RNPS1: variants seen among roughly 807,000 people sequenced by gnomAD.
RNPS1 encodes RNA-binding protein with serine-rich domain 1.
For synonymous variants in RNPS1, 147 were observed against 150.0 expected (o/e 0.98, Z 0.15); for missense variants, 300 against 427.6 (o/e 0.70, Z 2.63).
chr16:2,266,415 T>TA (rs1446272000), intron 1 of RNPS1: 1 of 985,078 alleles, frequency 1.0e-6, no homozygotes, highest in African/African-American at 1.7e-5. Flanking sequence ...GAGTATAATT[T>TA]AGAGTCTGGA....
At chr16:2,254,335 G>C (rs949121089) in intron 7 of RNPS1, among the ~76,000 whole-genome samples, 1 of 150,936 alleles carries the variant, frequency 6.6e-6, no homozygotes, top group Admixed American at 6.6e-5. Context: ...TTTTGAGATG[G>C]GGTCTCACTC....
At position 2,264,346 on chromosome 16, in the gene RNPS1, A is replaced by G. The variant is rs772166989; in HGVS notation, c.72-15T>C. ...GTGAAGGAGCCCTGGATGGTGAGGA[A>G]GAGTGTGAGATTGCGTGCTCCTCTG... On this transcript the variant is annotated splice_polypyrimidine_tract_variant and intron_variant, in intron 2 of 7. Transcript: ENST00000320225. 46 of 1,613,988 alleles carry G rather than the reference A, an allele frequency of 2.9e-5. No individual in the cohort carries two copies. The highest frequency in any genetic ancestry group is 2.0e-4 in the East Asian group (9 of 44,896).
chr16:2,264,786 A>C lies in RNPS1; in HGVS notation c.-117-26T>G, dbSNP rs2093618356. ...CTAATAACAAGATAAAAGGGTTTAA[A>C]GAGTGAACGAATTGGCAAGGCAACA... On this transcript the variant is annotated intron_variant, in intron 1 of 7. Coordinates refer to ENST00000320225, the MANE Select transcript of RNPS1 (RefSeq NM_080594.4). 4.1e-6 allele frequency: 6 copies of C among 1,463,650 alleles called. No individual in the cohort carries two copies. The East Asian group carries it at 1.2e-4, about 30-fold the overall frequency. The allele number at this position is 1,463,650 out of a possible 1,614,324, so 90.7% of individuals were successfully genotyped here.
chr16:2,268,097 C>G lies in RNPS1; in HGVS notation c.-160G>C. On this transcript the variant is annotated 5_prime_UTR_variant, in exon 1 of 8. Coordinates refer to ENST00000320225, the MANE Select transcript of RNPS1 (RefSeq NM_080594.4). ...ACCTCCTCCTGCTTTCCTCAGCCGC[C>G]GAGGCCGGCGCCGCTCTGACGTCAG... is the stretch of plus-strand genomic sequence containing the variant. 6.5e-7 allele frequency: 1 copy of G among 1,535,376 alleles called. No homozygotes were observed. The highest frequency in any genetic ancestry group is 8.7e-7 in the Non-Finnish European group (1 of 1,146,544).
intron 6 of RNPS1, chr16:2,258,191 G>A (rs903555180): frequency 6.6e-6 from 1 of 152,146 alleles, no homozygotes; most frequent in Non-Finnish European, 1.5e-5. Context: ...CTGAAATACT[G>A]GGAAACTTCT....
rs985129662 is a variant in RNPS1, at chr16:2,267,714, C to A, written c.-118+341G>T. The A allele has an allele frequency of 4.0e-6, 5 of 1,243,818 alleles. No individual in the cohort carries two copies. In the East Asian group the frequency reaches 2.0e-4, roughly 50 times the overall value. 77.0% of individuals were successfully genotyped at this position (1,243,818 alleles called of 1,614,324 possible). A position where few individuals can be genotyped will look rare whatever the true frequency, so the allele number is the denominator to read the frequency against. On this transcript the variant is annotated intron_variant, in intron 1 of 7. Transcript: ENST00000320225. ...CGAGCGCTTCCAGGGCAGGGCCTGGCGTTGGGGGCTTGGGTCTCCGGCCCG... is the reference window on the plus strand; with the variant it reads ...CGAGCGCTTCCAGGGCAGGGCCTGGAGTTGGGGGCTTGGGTCTCCGGCCCG...
chr16:2,266,397 A>G (rs1181837145), intron 1 of RNPS1: 1 of 985,270 alleles, frequency 1.0e-6, no homozygotes, highest in Non-Finnish European at 1.2e-6. Context: ...ATCAGTGAGT[A>G]TCATTCAGAG....
chr16:2,264,953 A>G, intron 1 of RNPS1, 193 bp from the exon 2 acceptor site: 2 of 304,730 alleles, frequency 6.6e-6, no homozygotes, highest in South Asian at 1.2e-4. Context: ...GAGGAGGCAC[A>G]GGTACAACTG....
intron 6 of RNPS1, chr16:2,257,041 A>T (rs1413308790): frequency 2.6e-5 from 4 of 152,232 alleles, no homozygotes; most frequent in Non-Finnish European, 5.9e-5. Context: ...TTGTGTTTGG[A>T]AACAAGCAGT....
In RNPS1 at chr16:2,263,192, C is replaced by G. The variant is rs947610915; in HGVS notation, c.323G>C (p.Ser108Thr). 1 of 1,613,822 alleles carries G rather than the reference C, an allele frequency of 6.2e-7. No individual in the cohort carries two copies. Among genetic ancestry groups the G allele is most frequent in the Admixed American group, 1.7e-5 (1 of 59,964 alleles). Residue 108 changes from serine (S) to threonine (T), a missense_variant, in exon 4 of 8, where the codon AGC (serine) becomes ACC (threonine). Physicochemically the swap from Ser to Thr is moderately conservative, Grantham distance 58. Coordinates refer to ENST00000320225, the MANE Select transcript of RNPS1 (RefSeq NM_080594.4). The part of the protein sequence containing the change: ...SSSSASSRSG[S>T]SSTSRSSSSS... ...GCTGGAGCTGCGGGAGGTGCTGGAG[C>G]TTCCTGAGCGGCTGGATGCTGAGGA...
intron 1 of RNPS1, chr16:2,266,730 G>A (rs1450754149): frequency 2.0e-6 from 2 of 984,966 alleles, no homozygotes; most frequent in Admixed American, 6.2e-5. Flanking sequence ...AACCGTGTGA[G>A]GAGCCACAAG....
At chr16:2,264,052 T>A in intron 3 of RNPS1, 124 bp downstream of exon 3, 1 of 1,183,916 alleles carries the variant, frequency 8.4e-7, no homozygotes, top group Admixed American at 2.1e-5. Flanking sequence ...TAAATTAGGG[T>A]CTCTACTAAC....
chr16:2,262,930 T>C (rs1446472494), intron 4 of RNPS1, 88 bp from the exon 5 acceptor site: 33 of 1,337,910 alleles, frequency 2.5e-5, no homozygotes, highest in East Asian at 6.9e-5. Flanking sequence ...TCTGCTTGTG[T>C]GACAGTTTTC....
chr16:2,266,082 A>C, intron 1 of RNPS1: 3 of 982,488 alleles, frequency 3.1e-6, no homozygotes, highest in Non-Finnish European at 3.6e-6. Context: ...AGATCTCAGG[A>C]ATGGAGTCTC....
intron 3 of RNPS1, among the ~76,000 whole-genome samples, chr16:2,263,559 A>G (rs2093612122): frequency 6.6e-6 from 1 of 152,196 alleles, no homozygotes; most frequent in African/African-American, 2.4e-5. Context: ...GACTCTGGCA[A>G]AAGTCACAAC....
At chr16:2,259,507 A>G (rs957070301) in intron 6 of RNPS1, among the ~76,000 whole-genome samples, 4 of 152,206 alleles carry the variant, frequency 2.6e-5, no homozygotes, top group African/African-American at 9.7e-5. Flanking sequence ...TCAGCTATAG[A>G]GTTCTAACAG....
chr16:2,264,460 T>G (rs2141583856), intron 2 of RNPS1, 113 bp downstream of exon 2: 1 of 1,527,924 alleles, frequency 6.5e-7, no homozygotes, highest in African/African-American at 1.4e-5. Context: ...AAGTGGTCTG[T>G]GGCTCAGAAC....
intron 1 of RNPS1, chr16:2,266,182 C>T: frequency 1.0e-6 from 1 of 985,396 alleles, no homozygotes; most frequent in Non-Finnish European, 1.2e-6. Flanking sequence ...GCAGTGCACG[C>T]CAGGGGTGCT....
chr16:2,263,033 C>G, intron 4 of RNPS1, 63 bp downstream of exon 4: 1 of 1,553,730 alleles, frequency 6.4e-7, no homozygotes, highest in Non-Finnish European at 8.8e-7. Flanking sequence ...CCTTTTATAA[C>G]CTCGATGGTA....
Sources: allele counts gnomAD v4.1 joint callset (sites outside exome capture counted in the v4.1 genomes callset), GRCh38; gene constraint gnomAD v4.1.1; transcripts MANE v1.5; gene names NCBI Gene and HGNC (gene_info 2026-07-23, HGNC 2026-07-21).